The following CLSTN2 variants were observed in gnomAD, a reference collection of about 807,000 sequenced individuals.
CLSTN2 encodes the protein calsyntenin 2.
Under a neutral mutation model 101.2 loss-of-function variants are expected in CLSTN2, and 48 were observed. The ratio of observed to expected loss-of-function variants is 0.47; its 90% CI spans 0.38 to 0.60. The LOEUF (loss-of-function observed/expected upper bound fraction) is 0.60. CLSTN2 is among the 20% of genes least tolerant of loss of function. The pLI is 0.00. For missense variants in CLSTN2, 1,160 were observed against 1,238.2 expected (o/e 0.94, Z 0.95); for synonymous variants, 481 against 463.6 (o/e 1.04, Z -0.48).
chr3:140,552,023 G>A lies in CLSTN2; in HGVS notation c.1675-4490G>A, dbSNP rs145260982. On this transcript the variant is annotated intron_variant, in intron 10 of 16. Transcript: ENST00000458420. ...TCAGAGTCCAAATTTACTTAATATG[G>A]ACCATGGGCAGGCAGGTGTCATAGG... is the stretch of plus-strand genomic sequence containing the variant. Among the ~76,000 whole-genome samples the A allele has an allele frequency of 3.9e-5, 6 of 152,080 alleles. No individual in the cohort carries two copies. In the East Asian group the frequency reaches 1.2e-3, roughly 29 times the overall value.
intron 1 of CLSTN2, among the ~76,000 whole-genome samples, chr3:140,101,354 C>A (rs1011805055): frequency 5.9e-5 from 9 of 152,142 alleles, no homozygotes; most frequent in African/African-American, 2.2e-4. Flanking sequence ...ACTGCATATG[C>A]CAGTGTACAT....
chr3:140,483,953 C>T (rs59170001), intron 8 of CLSTN2, among the ~76,000 whole-genome samples: 4,980 of 151,892 alleles, frequency 0.033, 271 homozygotes, highest in African/African-American at 0.11. Context: ...GAGCATTTAG[C>T]CCATTTACAT....
At chr3:140,560,160 C>G (rs9839410) in intron 12 of CLSTN2, among the ~76,000 whole-genome samples, 120,468 of 152,144 alleles carry the variant, frequency 0.79, 49,787 homozygotes, top group Non-Finnish European at 0.91. Flanking sequence ...AGTGTCCAAG[C>G]GCTATTATAA....
At chr3:140,104,060 A>G (rs2009012321) in intron 1 of CLSTN2, among the ~76,000 whole-genome samples, 1 of 152,238 alleles carries the variant, frequency 6.6e-6, no homozygotes, top group South Asian at 2.1e-4. Context: ...AAAGACTGGT[A>G]AATTTAGCTG....
chr3:140,342,149 A>G (rs1328766162), intron 2 of CLSTN2, among the ~76,000 whole-genome samples: 1 of 152,186 alleles, frequency 6.6e-6, no homozygotes, highest in Non-Finnish European at 1.5e-5. Flanking sequence ...AGTAGTTACT[A>G]TCTTCTAAAG....
At chr3:140,219,630 C>T (rs2086248876) in intron 2 of CLSTN2, among the ~76,000 whole-genome samples, 1 of 152,216 alleles carries the variant, frequency 6.6e-6, no homozygotes. Flanking sequence ...TCTCCACTGC[C>T]ACCCTCCCTC....
intron 4 of CLSTN2, among the ~76,000 whole-genome samples, chr3:140,408,091 G>A (rs2088324775): frequency 6.6e-6 from 1 of 152,156 alleles, no homozygotes. Flanking sequence ...CAGCAACACA[G>A]TATAAGAAAA....
At chr3:140,235,837 G>C (rs1237668706) in intron 2 of CLSTN2, among the ~76,000 whole-genome samples, 1 of 152,184 alleles carries the variant, frequency 6.6e-6, no homozygotes, top group Non-Finnish European at 1.5e-5. Context: ...CAGTTTATTT[G>C]TGGGAAGGGA....
chr3:140,466,814 G>T (rs1303692587), intron 8 of CLSTN2, 83 bp downstream of exon 8: 1 of 1,566,154 alleles, frequency 6.4e-7, no homozygotes, highest in Admixed American at 1.7e-5. Flanking sequence ...GCAGTGGGGA[G>T]GCACTGCAAG....
intron 1 of CLSTN2, among the ~76,000 whole-genome samples, chr3:140,103,403 G>A (rs2009000527): frequency 6.6e-6 from 1 of 152,308 alleles, no homozygotes; most frequent in Non-Finnish European, 1.5e-5. Flanking sequence ...GAGACAGGAA[G>A]CATTTTTTCT....
At chr3:140,490,117 TACACACACACACACACACACACAC>T (rs71637079) in intron 8 of CLSTN2, among the ~76,000 whole-genome samples, 4 of 1,958 alleles carry the variant, frequency 2.0e-3, no homozygotes, top group African/African-American at 4.8e-3. Flanking sequence ...TATATATATA[TACACACACACACACACACACACAC>T]ACACACACAC....
chr3:140,123,860 A>G (rs2009387012), intron 1 of CLSTN2, among the ~76,000 whole-genome samples: 2 of 151,976 alleles, frequency 1.3e-5, no homozygotes, highest in South Asian at 2.1e-4. Flanking sequence ...GTATATATAT[A>G]TATATGTCTT....
chr3:140,100,872 C>A (rs1474044693), intron 1 of CLSTN2, among the ~76,000 whole-genome samples: 1 of 152,206 alleles, frequency 6.6e-6, no homozygotes, highest in Non-Finnish European at 1.5e-5. Context: ...TACAATCACC[C>A]TTCCATGCTC....
At chr3:140,100,145 C>CT (rs1251481593) in intron 1 of CLSTN2, among the ~76,000 whole-genome samples, 4 of 132,042 alleles carry the variant, frequency 3.0e-5, no homozygotes, top group African/African-American at 1.1e-4. Context: ...AGTTGCATTT[C>CT]TCTTTTTTTT....
chr3:140,535,295 T>C (rs1559897341), intron 9 of CLSTN2, among the ~76,000 whole-genome samples: 1 of 152,232 alleles, frequency 6.6e-6, no homozygotes, highest in Non-Finnish European at 1.5e-5. Flanking sequence ...GGGTGGGAAA[T>C]ATTATTTGTG....
chr3:140,427,244 T>TATATATAC (rs371684488), intron 5 of CLSTN2, among the ~76,000 whole-genome samples: 13 of 127,562 alleles, frequency 1.0e-4, no homozygotes, highest in African/African-American at 4.5e-4. Context: ...TATATATATA[T>TATATATAC]ACATATATAT....
intron 2 of CLSTN2, among the ~76,000 whole-genome samples, chr3:140,357,285 G>T (rs942548305): frequency 6.6e-6 from 1 of 152,040 alleles, no homozygotes; most frequent in Non-Finnish European, 1.5e-5. Flanking sequence ...TGCAACAATG[G>T]TTACCTTCCA....
chr3:140,283,782 T>C (rs2086870507), intron 2 of CLSTN2, among the ~76,000 whole-genome samples: 1 of 152,208 alleles, frequency 6.6e-6, no homozygotes, highest in Non-Finnish European at 1.5e-5. Flanking sequence ...TTTTTCCCCT[T>C]CTCTCATTAA....
chr3:140,399,247 G>A (rs1037028766), intron 2 of CLSTN2, among the ~76,000 whole-genome samples: 2 of 152,198 alleles, frequency 1.3e-5, no homozygotes, highest in Non-Finnish European at 2.9e-5. Context: ...ACTTTTAAAT[G>A]TATCATCCTC....
Sources: allele counts gnomAD v4.1 joint callset (sites outside exome capture counted in the v4.1 genomes callset), GRCh38; gene constraint gnomAD v4.1.1; transcripts MANE v1.5; gene names NCBI Gene and HGNC (gene_info 2026-07-23, HGNC 2026-07-21).